TBX15: variants seen among roughly 807,000 people sequenced by gnomAD.
TBX15 encodes the protein T-box transcription factor 15.
TBX15 carries 18 observed loss-of-function variants against 53.9 expected under a neutral mutation model. The ratio of observed to expected loss-of-function variants is 0.33; its 90% CI spans 0.23 to 0.49. TBX15 has a LOEUF of 0.49. Ranked by LOEUF, TBX15 falls within the 20% of genes least tolerant of loss-of-function variation. TBX15 has a pLI of 0.98. For synonymous variants in TBX15, 295 were observed against 278.0 expected, an observed-to-expected ratio of 1.06 and a Z score of -0.61; for missense variants, 692 against 749.5, an observed-to-expected ratio of 0.92 and a Z score of 0.90.
Position 118,926,596 on chromosome 1 carries a change from G to A in TBX15, c.435C>T (p.Ala145=), listed in dbSNP as rs1462701281. ...ITKAGRRMFP[A]MRVKITGLDP... is the part of the protein sequence containing the mutation. ...CTAGGCCAGTGATTTTCACTCTCATGGCAGGAAACATCCTCCTATGAAGAT... is the reference window on the plus strand; with the variant it reads ...CTAGGCCAGTGATTTTCACTCTCATAGCAGGAAACATCCTCCTATGAAGAT... The change falls in exon 3 of 8, where the codon GCC becomes GCT. Residue 145 remains alanine (A), a synonymous_variant. Transcript: ENST00000369429. 2.5e-6 allele frequency: 4 copies of A among 1,613,484 alleles called. No individual in the cohort carries two copies. Among genetic ancestry groups the A allele is most frequent in the Non-Finnish European group, 3.4e-6 (4 of 1,179,754 alleles).
chr1:118,899,652 G>C (rs904787507), intron 6 of TBX15, among the ~76,000 whole-genome samples: 1 of 152,190 alleles, frequency 6.6e-6, no homozygotes, highest in African/African-American at 2.4e-5. Context: ...AATAAAAGGA[G>C]AGGTAAGCAG....
intron 1 of TBX15, among the ~76,000 whole-genome samples, chr1:118,981,675 G>T (rs1657658814): frequency 6.6e-6 from 1 of 152,146 alleles, no homozygotes; most frequent in African/African-American, 2.4e-5. Context: ...CCAGTTTCTT[G>T]AATTCCCCTT....
At chr1:118,940,727 C>CAA (rs71070774) in intron 1 of TBX15, among the ~76,000 whole-genome samples, 19 of 44,734 alleles carry the variant, frequency 4.2e-4, no homozygotes, top group East Asian at 1.4e-3. Context: ...ATCAGAAAAA[C>CAA]AAAAAAAAAT....
intron 1 of TBX15, among the ~76,000 whole-genome samples, chr1:118,958,263 C>A (rs142176498): frequency 1.3e-5 from 2 of 152,166 alleles, no homozygotes; most frequent in African/African-American, 4.8e-5. Flanking sequence ...CTCTCTCTAC[C>A]ATGTGGATGG....
In TBX15 at chr1:118,987,906, C is replaced by T. The variant is rs528207676; in HGVS notation, c.-111G>A. 7 of 1,367,778 alleles carry T rather than the reference C, an allele frequency of 5.1e-6. No individual in the cohort carries two copies. The highest frequency in any genetic ancestry group is 5.9e-6 in the Non-Finnish European group (6 of 1,009,324). The allele number at this position is 1,367,778 out of a possible 1,614,324, so 84.7% of individuals were successfully genotyped here. ...CGGCCCGGGAGAGGCGGAGGCGCGT[C>T]GGACGAGGCTGAGACTGCGGCTCGC... is the stretch of plus-strand genomic sequence containing the variant. On this transcript the variant is annotated 5_prime_UTR_variant, in exon 1 of 8. Coordinates refer to ENST00000369429, the MANE Select transcript of TBX15 (RefSeq NM_001330677.2).
At chr1:118,968,493 C>A (rs1223488267) in intron 1 of TBX15, among the ~76,000 whole-genome samples, 1 of 152,198 alleles carries the variant, frequency 6.6e-6, no homozygotes, top group Non-Finnish European at 1.5e-5. Flanking sequence ...AGGTGTGAAC[C>A]ACTACGCCCA....
chr1:118,972,898 C>A (rs1339004107), intron 1 of TBX15, among the ~76,000 whole-genome samples: 12 of 152,136 alleles, frequency 7.9e-5, no homozygotes. Flanking sequence ...CCATGCCCGG[C>A]CAAATGGTTT....
chr1:118,989,263 C>T (rs1657958146), upstream of TBX15: 1 of 152,316 alleles, frequency 6.6e-6, no homozygotes, highest in Non-Finnish European at 1.5e-5. Context: ...CTGGCCGCCC[C>T]CTGCCTTTTG....
intron 6 of TBX15, among the ~76,000 whole-genome samples, chr1:118,913,376 A>G (rs1001972468): frequency 2.0e-5 from 3 of 152,158 alleles, no homozygotes; most frequent in African/African-American, 7.2e-5. Context: ...TGGTTTCCCT[A>G]CCCATTTTGA....
intron 5 of TBX15, among the ~76,000 whole-genome samples, chr1:118,918,255 C>A (rs988655146): frequency 1.3e-5 from 2 of 152,142 alleles, no homozygotes; most frequent in African/African-American, 4.8e-5. Flanking sequence ...CTAAATGTAA[C>A]TCCCCCCGGA....
chr1:118,978,019 G>C (rs1207906672), intron 1 of TBX15, among the ~76,000 whole-genome samples: 1 of 152,016 alleles, frequency 6.6e-6, no homozygotes, highest in Non-Finnish European at 1.5e-5. Context: ...GTTATTTCTG[G>C]GAATGGCACA....
intron 6 of TBX15, among the ~76,000 whole-genome samples, chr1:118,910,174 G>A (rs1399683996): frequency 6.6e-6 from 1 of 152,150 alleles, no homozygotes; most frequent in Non-Finnish European, 1.5e-5. Flanking sequence ...TTTGGTTTGA[G>A]GTTTGGCAAA....
intron 1 of TBX15, among the ~76,000 whole-genome samples, chr1:118,948,138 G>C (rs1571198049): frequency 6.6e-6 from 1 of 151,896 alleles, no homozygotes; most frequent in African/African-American, 2.4e-5. Flanking sequence ...GTACAGTCAG[G>C]GTCTCTATTA....
chr1:118,951,381 A>G (rs1173249971), intron 1 of TBX15, among the ~76,000 whole-genome samples: 1 of 152,204 alleles, frequency 6.6e-6, no homozygotes, highest in Non-Finnish European at 1.5e-5. Context: ...ACTCTCTCCT[A>G]AGAAATAGAG....
chr1:118,908,873 ACACT>A (rs1237410176), intron 6 of TBX15, among the ~76,000 whole-genome samples: 3 of 151,656 alleles, frequency 2.0e-5, no homozygotes, highest in African/African-American at 4.9e-5. Flanking sequence ...ACATAGACAC[ACACT>A]CACACATATA....
In TBX15 at chr1:118,985,738, G is replaced by A. The variant is rs143230649; in HGVS notation, c.205+1853C>T. On this transcript the variant is annotated intron_variant, in intron 1 of 7. Transcript: ENST00000369429. ...AAAAAATGATAACGTAATGGGAAAT[G>A]ACCAACCGAACTCTGTTACATAAAG... Among the ~76,000 whole-genome samples, 255 of 152,280 alleles carry A rather than the reference G, an allele frequency of 1.7e-3. 1 individual carries two copies. The East Asian group carries it at 0.019, about 11-fold the overall frequency.
At chr1:118,903,621 G>A (rs1654711671) in intron 6 of TBX15, among the ~76,000 whole-genome samples, 2 of 152,116 alleles carry the variant, frequency 1.3e-5, no homozygotes, top group Admixed American at 1.3e-4. Flanking sequence ...GCTATAGGTT[G>A]ATAAGGCCAT....
At chr1:118,929,003 T>G (rs1655694039) in intron 2 of TBX15, among the ~76,000 whole-genome samples, 1 of 152,220 alleles carries the variant, frequency 6.6e-6, no homozygotes, top group Non-Finnish European at 1.5e-5. Context: ...CATTTTAGCA[T>G]AGAATATCAA....
chr1:118,890,793 C>T, intron 7 of TBX15: 3 of 898,518 alleles, frequency 3.3e-6, no homozygotes, highest in Non-Finnish European at 4.6e-6. Context: ...TTTTCTCCCT[C>T]CTCCCCCAAA....
Sources: allele counts gnomAD v4.1 joint callset (sites outside exome capture counted in the v4.1 genomes callset), GRCh38; gene constraint gnomAD v4.1.1; transcripts MANE v1.5; gene names NCBI Gene and HGNC (gene_info 2026-07-23, HGNC 2026-07-21).